Variants in CENPW observed in about 807,000 individuals in gnomAD.
CENPW encodes cancer-up-regulated gene 2 protein.
A neutral mutation model predicts 11.1 loss-of-function variants in CENPW; 3 were observed. The observed-to-expected ratio is 0.27, with a 90% CI of 0.12 to 0.70. CENPW has a LOEUF of 0.70. Among genes scored for constraint, CENPW ranks in the 30% least tolerant of loss-of-function variants. The probability of loss-of-function intolerance (pLI) is 0.77; values close to 1 mark genes in which losing one functional copy is unlikely to be tolerated. For synonymous variants in CENPW, 38 were observed against 42.0 expected (o/e 0.91, Z 0.37); for missense variants, 100 against 105.6 (o/e 0.95, Z 0.23).
chr6:126,436,717 TA>T, the CENPW span, among the ~76,000 whole-genome samples: 2 of 151,848 alleles, frequency 1.3e-5, no homozygotes, highest in African/African-American at 2.4e-5. Context: ...TATCTAATCA[TA>T]ACCCCCCTTT....
intron 1 of CENPW, among the ~76,000 whole-genome samples, chr6:126,343,405 T>C (rs1737495592): frequency 6.6e-6 from 1 of 152,180 alleles, no homozygotes; most frequent in Admixed American, 6.5e-5. Flanking sequence ...TGGGGTTTGC[T>C]AGAGGGACAG....
At chr6:126,418,240 T>C in the CENPW span, among the ~76,000 whole-genome samples, 1 of 152,210 alleles carries the variant, frequency 6.6e-6, no homozygotes, top group South Asian at 2.1e-4. Context: ...CAGTTCACTC[T>C]TAGGATAAAA....
chr6:126,376,366 A>G, the CENPW span, among the ~76,000 whole-genome samples: 2 of 152,156 alleles, frequency 1.3e-5, no homozygotes, highest in African/African-American at 4.8e-5. Flanking sequence ...CTGAGATAGA[A>G]TGGGCATCAA....
the CENPW span, among the ~76,000 whole-genome samples, chr6:126,398,845 A>G: frequency 1.3e-5 from 2 of 150,958 alleles, no homozygotes; most frequent in East Asian, 1.9e-4. Flanking sequence ...CCCAATGTCT[A>G]TTGTCCCCAT....
the CENPW span, among the ~76,000 whole-genome samples, chr6:126,466,398 A>G: frequency 1.3e-5 from 2 of 152,114 alleles, no homozygotes; most frequent in African/African-American, 2.4e-5. Context: ...CACTTCTGAT[A>G]CCGCTCTATA....
the CENPW span, among the ~76,000 whole-genome samples, chr6:126,366,352 T>G: frequency 1.3e-5 from 2 of 152,186 alleles, no homozygotes; most frequent in Non-Finnish European, 2.9e-5. Flanking sequence ...ACTATACAAA[T>G]TTTAGGAATT....
chr6:126,386,495 T>C, the CENPW span, among the ~76,000 whole-genome samples: 1 of 152,054 alleles, frequency 6.6e-6, no homozygotes, highest in African/African-American at 2.4e-5. Flanking sequence ...TGGTCATCAG[T>C]TGCATTAGTC....
At chr6:126,372,476 T>G in the CENPW span, among the ~76,000 whole-genome samples, 5 of 152,144 alleles carry the variant, frequency 3.3e-5, no homozygotes, top group Non-Finnish European at 7.4e-5. Flanking sequence ...TGGTAAGCCT[T>G]TAAATTAAAT....
the CENPW span, among the ~76,000 whole-genome samples, chr6:126,395,790 G>T: frequency 6.6e-6 from 1 of 152,172 alleles, no homozygotes; most frequent in Non-Finnish European, 1.5e-5. Context: ...CAGACTCATA[G>T]AGGTATCACC....
At position 126,346,292 on chromosome 6, in the gene CENPW, A is replaced by C. The variant is rs1361133707; in HGVS notation, c.214A>C (p.Lys72Gln). ...ACASKCRVIN[K>Q]EHVLAAAKVI... ...TGCGAGTAAATGTAGAGTCATTAAC[A>C]AGGAGCATGTACTGGCCGCAGCAAA... The change falls in exon 2 of 3, where the codon AAG becomes CAG. Residue 72 changes from lysine (K) to glutamine (Q), a missense_variant. By Grantham distance (53) the Lys-to-Gln change is moderately conservative. Transcript: ENST00000368328. 1 of 1,607,328 alleles carries C rather than the reference A, an allele frequency of 6.2e-7. No individual in the cohort carries two copies. Among genetic ancestry groups the C allele is most frequent in the Non-Finnish European group, 8.5e-7 (1 of 1,174,962 alleles).
the CENPW span, among the ~76,000 whole-genome samples, chr6:126,372,360 A>G: frequency 1.3e-5 from 2 of 152,178 alleles, no homozygotes; most frequent in East Asian, 1.9e-4. Context: ...ATTTTGATTT[A>G]TATTCTATGT....
At chr6:126,343,387 A>G (rs1250276407) in intron 1 of CENPW, among the ~76,000 whole-genome samples, 1 of 152,214 alleles carries the variant, frequency 6.6e-6, no homozygotes, top group African/African-American at 2.4e-5. Context: ...TTGTCTCAGT[A>G]TCTGTATTGG....
chr6:126,363,253 A>G, the CENPW span, among the ~76,000 whole-genome samples: 1 of 152,252 alleles, frequency 6.6e-6, no homozygotes, highest in East Asian at 1.9e-4. Context: ...ACTAGAAGCC[A>G]TAAACTGGCA....
chr6:126,454,426 A>T, the CENPW span, among the ~76,000 whole-genome samples: 2 of 151,412 alleles, frequency 1.3e-5, no homozygotes, highest in Non-Finnish European at 3.0e-5. Flanking sequence ...ATTGCTCAAA[A>T]TCCTAGAATT....
the CENPW span, among the ~76,000 whole-genome samples, chr6:126,445,775 A>T: frequency 5.3e-5 from 8 of 151,338 alleles, no homozygotes; most frequent in East Asian, 1.6e-3. Flanking sequence ...GTTTCTTTAA[A>T]TTAAAAAAAT....
At chr6:126,379,768 C>T in the CENPW span, among the ~76,000 whole-genome samples, 1 of 152,018 alleles carries the variant, frequency 6.6e-6, no homozygotes, top group Non-Finnish European at 1.5e-5. Context: ...GCCTGGAGTC[C>T]GAGTATGTGT....
chr6:126,354,669 C>T, the CENPW span, among the ~76,000 whole-genome samples: 1 of 152,088 alleles, frequency 6.6e-6, no homozygotes, highest in Non-Finnish European at 1.5e-5. Context: ...GTAAATGTCT[C>T]CGTGGTAAAA....
At chr6:126,481,701 G>T in the CENPW span, among the ~76,000 whole-genome samples, 2 of 151,978 alleles carry the variant, frequency 1.3e-5, no homozygotes, top group African/African-American at 4.8e-5. Flanking sequence ...CATGAGTTTT[G>T]GAAGGGATAT....
the CENPW span, among the ~76,000 whole-genome samples, chr6:126,368,392 G>A: frequency 2.2e-4 from 33 of 152,260 alleles, no homozygotes; most frequent in African/African-American, 7.5e-4. Flanking sequence ...AGCAGACACC[G>A]GGTAGGCACT....
Sources: gnomAD v4.1 joint callset for allele counts (sites outside exome capture counted in the v4.1 genomes callset) on GRCh38, gnomAD v4.1.1 for gene constraint, MANE v1.5 for transcripts, NCBI Gene and HGNC (gene_info 2026-07-23, HGNC 2026-07-21) for gene names.